PAPPA: variants seen among roughly 807,000 people sequenced by gnomAD.
PAPPA encodes pappalysin 1, also known as pappalysin-1.
A neutral mutation model predicts 164.0 loss-of-function variants in PAPPA; 60 were observed. The ratio of observed to expected loss-of-function variants is 0.37; its 90% CI spans 0.30 to 0.45. The LOEUF (loss-of-function observed/expected upper bound fraction) is 0.45, where lower values mean the gene tolerates loss of function less well. Among genes scored for constraint, PAPPA ranks in the 20% least tolerant of loss-of-function variants. The pLI is 1.00. For synonymous variants in PAPPA, 875 were observed against 814.1 expected, an observed-to-expected ratio of 1.07 and a Z score of -1.27; for missense variants, 1,782 against 2,087.3, an observed-to-expected ratio of 0.85 and a Z score of 2.85.
At chr9:116,246,733 G>T (rs977437564) in intron 7 of PAPPA, among the ~76,000 whole-genome samples, 2 of 152,188 alleles carry the variant, frequency 1.3e-5, no homozygotes, top group African/African-American at 4.8e-5. Flanking sequence ...AGAAAATGAA[G>T]GCCAAATGCG....
intron 1 of PAPPA, among the ~76,000 whole-genome samples, chr9:116,174,389 A>G (rs1181129639): frequency 6.6e-6 from 1 of 152,138 alleles, no homozygotes; most frequent in Non-Finnish European, 1.5e-5. Context: ...TTTTCTTCAG[A>G]GCTCAGCCCA....
At chr9:116,236,819 A>T (rs552696992) in intron 7 of PAPPA, among the ~76,000 whole-genome samples, 5 of 152,198 alleles carry the variant, frequency 3.3e-5, no homozygotes, top group Non-Finnish European at 7.3e-5. Context: ...ACTGGGGCTT[A>T]GAGATGTGAA....
At chr9:116,231,909 G>A (rs544291594) in intron 6 of PAPPA, among the ~76,000 whole-genome samples, 22 of 151,616 alleles carry the variant, frequency 1.5e-4, no homozygotes, top group African/African-American at 3.1e-4. Context: ...TTACAGGCAC[G>A]TGCCACCACA....
chr9:116,294,450 AC>A (rs1206606542), intron 9 of PAPPA, among the ~76,000 whole-genome samples: 1 of 152,104 alleles, frequency 6.6e-6, no homozygotes, highest in African/African-American at 2.4e-5. Flanking sequence ...TTAAGAAGAA[AC>A]CCTGGTTTGA....
intron 9 of PAPPA, among the ~76,000 whole-genome samples, chr9:116,294,033 G>T (rs1162279800): frequency 6.6e-6 from 1 of 152,174 alleles, no homozygotes. Context: ...TTCATAAGCT[G>T]CTTTGTGAGA....
chr9:116,282,386 A>G (rs1313186915), intron 9 of PAPPA, among the ~76,000 whole-genome samples: 1 of 152,238 alleles, frequency 6.6e-6, no homozygotes, highest in Non-Finnish European at 1.5e-5. Context: ...ACCCATGAAT[A>G]TGGAGGGCCA....
intron 19 of PAPPA, among the ~76,000 whole-genome samples, chr9:116,375,802 A>T (rs1846641633): frequency 6.6e-6 from 1 of 151,878 alleles, no homozygotes; most frequent in Non-Finnish European, 1.5e-5. Flanking sequence ...GGCCCAGGTG[A>T]CTCTTCATTT....
chr9:116,312,465 C>T (rs75808565), intron 10 of PAPPA, among the ~76,000 whole-genome samples: 1,848 of 152,180 alleles, frequency 0.012, 30 homozygotes, highest in African/African-American at 0.04. Context: ...GCCAGTTGAG[C>T]TTGCTGAGCC....
intron 9 of PAPPA, among the ~76,000 whole-genome samples, chr9:116,293,543 G>C (rs1250920616): frequency 6.6e-6 from 1 of 152,244 alleles, no homozygotes; most frequent in Non-Finnish European, 1.5e-5. Context: ...GAAAGAACTG[G>C]ATGCATTTGA....
At chr9:116,358,045 C>G (rs1564240010) in intron 17 of PAPPA, among the ~76,000 whole-genome samples, 1 of 152,108 alleles carries the variant, frequency 6.6e-6, no homozygotes, top group Non-Finnish European at 1.5e-5. Context: ...AGTGCCTCAG[C>G]TAGGTTTTCA....
chr9:116,201,395 T>C (rs1384613391), intron 2 of PAPPA, among the ~76,000 whole-genome samples: 1 of 152,154 alleles, frequency 6.6e-6, no homozygotes, highest in Non-Finnish European at 1.5e-5. Context: ...AATTTGGAAA[T>C]GGGCAATGTT....
chr9:116,193,290 C>T (rs1587946025), intron 2 of PAPPA, among the ~76,000 whole-genome samples: 1 of 152,080 alleles, frequency 6.6e-6, no homozygotes, highest in Admixed American at 6.5e-5. Context: ...CAGCTATAGC[C>T]CCCGTTAGCC....
intron 1 of PAPPA, among the ~76,000 whole-genome samples, chr9:116,171,242 G>A (rs1304588560): frequency 6.6e-6 from 1 of 152,160 alleles, no homozygotes; most frequent in East Asian, 1.9e-4. Flanking sequence ...GCCTCCCAAA[G>A]CCCTTGTTTA....
chr9:116,303,742 G>C (rs1251127508), intron 10 of PAPPA, among the ~76,000 whole-genome samples: 1 of 152,092 alleles, frequency 6.6e-6, no homozygotes, highest in Non-Finnish European at 1.5e-5. Context: ...CTATTCCCAG[G>C]CATTCCTTTC....
At chr9:116,344,756 A>T (rs762484093) in intron 14 of PAPPA, 45 bp downstream of exon 14, 1 of 1,567,276 alleles carries the variant, frequency 6.4e-7, no homozygotes, top group East Asian at 2.3e-5. Flanking sequence ...AGCCCAGGGA[A>T]GGCTTACTGG....
chr9:116,264,656 T>C (rs953799706), intron 7 of PAPPA, among the ~76,000 whole-genome samples: 2 of 152,190 alleles, frequency 1.3e-5, no homozygotes, highest in African/African-American at 4.8e-5. Flanking sequence ...TTTGACATCA[T>C]CCTTTTGTTT....
In PAPPA at chr9:116,187,631, C is replaced by A. The variant is rs372065878; in HGVS notation, c.893C>A (p.Ser298Tyr). ...ENWDNVKHAW[S>Y]PMKDGSSPKV... ...TGGGACAATGTGAAGCATGCCTGGTCCCCCATGAAGGATGGCAGCAGCCCC... is the reference window on the plus strand; with the variant it reads ...TGGGACAATGTGAAGCATGCCTGGTACCCCATGAAGGATGGCAGCAGCCCC... Residue 298 changes from serine to tyrosine, a missense_variant, in exon 2 of 22, where the codon TCC (serine) becomes TAC (tyrosine). Around this residue, in one of 2 missense-constraint regions of PAPPA, gnomAD observed 458 missense variants for 430.3 expected, o/e 1.06. Transcript: ENST00000328252. The surrounding 1 kb of genome is among the most constrained non-coding windows in gnomAD (Gnocchi z 4.2). 5.6e-6 allele frequency: 9 copies of A among 1,614,174 alleles called. No homozygotes were observed. The highest frequency in any genetic ancestry group is 7.6e-6 in the Non-Finnish European group (9 of 1,180,008).
intron 7 of PAPPA, among the ~76,000 whole-genome samples, chr9:116,243,597 A>T (rs915171663): frequency 6.6e-6 from 1 of 152,220 alleles, no homozygotes; most frequent in Non-Finnish European, 1.5e-5. Context: ...GAGCACAGTC[A>T]TTGTCATAAT....
At chr9:116,316,895 C>T (rs1052937130) in intron 10 of PAPPA, among the ~76,000 whole-genome samples, 39 of 152,142 alleles carry the variant, frequency 2.6e-4, no homozygotes, top group African/African-American at 8.4e-4. Context: ...TGTAGTGATT[C>T]CCAGCCCTTA....
Sources: gnomAD v4.1 joint callset for allele counts (sites outside exome capture counted in the v4.1 genomes callset) on GRCh38, gnomAD v4.1.1 for gene constraint, gnomAD v4.1.1 regional missense constraint, Gnocchi (gnomAD v3.1) non-coding constraint, MANE v1.5 for transcripts, NCBI Gene and HGNC (gene_info 2026-07-23, HGNC 2026-07-21) for gene names.